COBL: variants seen among roughly 807,000 people sequenced by gnomAD.
COBL encodes the protein protein cordon-bleu.
A neutral mutation model predicts 98.8 loss-of-function variants in COBL; 51 were observed. The observed-to-expected ratio is 0.52, with a 90% CI of 0.41 to 0.65. The LOEUF is 0.65. Ranked by LOEUF, COBL falls within the 30% of genes least tolerant of loss-of-function variation. COBL has a pLI of 0.00. For synonymous variants in COBL, 634 were observed against 651.7 expected (o/e 0.97, Z 0.41); for missense variants, 1,617 against 1,617.5 (o/e 1.00, Z 0.01).
intron 7 of COBL, among the ~76,000 whole-genome samples, chr7:51,052,070 G>T (rs1583618753): frequency 6.6e-6 from 1 of 152,264 alleles, no homozygotes; most frequent in South Asian, 2.1e-4. Context: ...CGGTAATTGG[G>T]TTTTGACATT....
chr7:51,275,233 G>A (rs1799190406), intron 1 of COBL, among the ~76,000 whole-genome samples: 1 of 152,208 alleles, frequency 6.6e-6, no homozygotes, highest in Admixed American at 6.5e-5. Context: ...CAGTTGCACA[G>A]TGTCCAGGCT....
chr7:51,176,680 A>G (rs903009421), intron 5 of COBL, among the ~76,000 whole-genome samples: 2 of 152,258 alleles, frequency 1.3e-5, no homozygotes, highest in Admixed American at 6.5e-5. Flanking sequence ...CATATGAGAC[A>G]GATAAACTTT....
At chr7:51,250,941 G>A (rs1796681603) in intron 1 of COBL, among the ~76,000 whole-genome samples, 1 of 152,080 alleles carries the variant, frequency 6.6e-6, no homozygotes, top group Non-Finnish European at 1.5e-5. Context: ...ATACCTCTAA[G>A]TTTTCATTAA....
intron 5 of COBL, among the ~76,000 whole-genome samples, chr7:51,141,154 T>C (rs2129011799): frequency 6.6e-6 from 1 of 152,312 alleles, no homozygotes. Context: ...AATGGTCATT[T>C]TGTTTCCATT....
chr7:51,291,790 A>T (rs1379092370), intron 1 of COBL, among the ~76,000 whole-genome samples: 1 of 152,058 alleles, frequency 6.6e-6, no homozygotes, highest in African/African-American at 2.4e-5. Context: ...ATCAGTGCAC[A>T]ATCAGCACAG....
chr7:51,251,624 T>C (rs1189397811), intron 1 of COBL, among the ~76,000 whole-genome samples: 1 of 152,212 alleles, frequency 6.6e-6, no homozygotes, highest in African/African-American at 2.4e-5. Context: ...GCATTCTCTA[T>C]CCTTCAGAGA....
chr7:51,205,942 G>A (rs1372592131), intron 2 of COBL, among the ~76,000 whole-genome samples: 1 of 152,116 alleles, frequency 6.6e-6, no homozygotes, highest in Non-Finnish European at 1.5e-5. Context: ...TGGTCAACAG[G>A]TATACTGAAC....
At chr7:51,025,065 A>G in intron 12 of COBL, 44 bp downstream of exon 12, 1 of 1,611,386 alleles carries the variant, frequency 6.2e-7, no homozygotes, top group Non-Finnish European at 8.5e-7. Flanking sequence ...CTGCACCTCC[A>G]ACCCTCTGGC....
chr7:51,142,378 ATTTGAT>A (rs1464209250), intron 5 of COBL, among the ~76,000 whole-genome samples: 1 of 134,016 alleles, frequency 7.5e-6, no homozygotes, highest in African/African-American at 2.8e-5. Context: ...TCCAACTGGT[ATTTGAT>A]TTTTTTTTTT....
chr7:51,135,299 T>G (rs1466851480), intron 6 of COBL, among the ~76,000 whole-genome samples: 2 of 152,180 alleles, frequency 1.3e-5, no homozygotes, highest in Non-Finnish European at 2.9e-5. Flanking sequence ...TAAAAATATT[T>G]TCTTTGAAAA....
rs1175427142 is a variant in COBL, at chr7:51,017,339, T to C, written c.*212A>G. On this transcript the variant is annotated 3_prime_UTR_variant, in exon 13 of 13. Coordinates refer to ENST00000265136, the MANE Select transcript of COBL (RefSeq NM_015198.5). ...TAAGATATTCAGAGGCAAAACACAT[T>C]TCCTTGGCACACGAGCTGCGCAGCG... 4.9e-6 allele frequency: 3 copies of C among 607,590 alleles called. No homozygotes were observed. Among genetic ancestry groups the C allele is most frequent in the Admixed American group, 2.8e-5 (1 of 35,300 alleles). 37.6% of individuals were successfully genotyped at this position (607,590 alleles called of 1,614,324 possible). A position where few individuals can be genotyped will look rare whatever the true frequency, so the allele number is the denominator to read the frequency against.
In COBL at chr7:51,224,980, AGTGTGGGTGGACTGTGT is replaced by A. The variant is rs1009186102; in HGVS notation, c.42-5053_42-5037del. Among the ~76,000 whole-genome samples the A allele has an allele frequency of 2.2e-4, 33 of 151,994 alleles. 1 individual carries two copies. In the South Asian group the frequency reaches 2.9e-3, roughly 13 times the overall value. On this transcript the variant is annotated intron_variant, in intron 1 of 12. Transcript: ENST00000265136. Reference sequence around the variant, plus strand: ...GGCCCGTGCATGTGGGCAGGCTGTGAGTGTGGGTGGACTGTGTGTGTGGGTGGACTGTGTGTGTGGAT... The same window carrying A: ...GGCCCGTGCATGTGGGCAGGCTGTGAGTGTGGGTGGACTGTGTGTGTGGAT...
At chr7:51,149,046 A>G (rs1785310464) in intron 5 of COBL, among the ~76,000 whole-genome samples, 2 of 152,166 alleles carry the variant, frequency 1.3e-5, no homozygotes, top group Non-Finnish European at 1.5e-5. Context: ...GACATCCTCT[A>G]TGTCAAGGTT....
At chr7:51,053,089 T>G (rs1450812461) in intron 7 of COBL, among the ~76,000 whole-genome samples, 1 of 152,222 alleles carries the variant, frequency 6.6e-6, no homozygotes, top group East Asian at 1.9e-4. Context: ...GCTCTCCTAG[T>G]GTTTACTTCT....
Position 51,043,448 on chromosome 7 carries a change from G to C in COBL, c.1341C>G (p.Thr447=), listed in dbSNP as rs753126219. 4 of 1,614,222 alleles carry C rather than the reference G, an allele frequency of 2.5e-6. No homozygotes were observed. The highest frequency in any genetic ancestry group is 3.4e-6 in the Non-Finnish European group (4 of 1,180,040). ...GGCTCTTCTGGGGACCCAGGTCTGG[G>C]GTTCCAGCGAGGTCCTGGTCACTGC... The part of the protein sequence containing the change: ...EDCSDQDLAG[T]PDLGPQKSPL... Residue 447 remains threonine, a synonymous_variant, in exon 8 of 13, where the codon ACC becomes ACG. Coordinates refer to ENST00000265136, the MANE Select transcript of COBL (RefSeq NM_015198.5).
At chr7:51,060,205 T>C (rs1339157261) in intron 7 of COBL, among the ~76,000 whole-genome samples, 1 of 152,234 alleles carries the variant, frequency 6.6e-6, no homozygotes, top group Non-Finnish European at 1.5e-5. Flanking sequence ...TGCATTTTCT[T>C]CACAGTTATC....
intron 2 of COBL, among the ~76,000 whole-genome samples, chr7:51,206,883 A>G (rs1023882262): frequency 2.0e-5 from 3 of 152,228 alleles, no homozygotes; most frequent in Non-Finnish European, 4.4e-5. Flanking sequence ...GGAGGTGGTC[A>G]AAGACACACA....
chr7:51,058,943 T>A (rs927599317), intron 7 of COBL, among the ~76,000 whole-genome samples: 1 of 152,244 alleles, frequency 6.6e-6, no homozygotes. Flanking sequence ...CAGGTCTGCA[T>A]GGGTTTTCTC....
chr7:51,250,748 G>A (rs181414445), intron 1 of COBL, among the ~76,000 whole-genome samples: 3 of 152,172 alleles, frequency 2.0e-5, no homozygotes, highest in Non-Finnish European at 4.4e-5. Context: ...GGAAAAAGGT[G>A]GCAGTCCTTC....
Sources: gnomAD v4.1 joint callset for allele counts (sites outside exome capture counted in the v4.1 genomes callset) on GRCh38, gnomAD v4.1.1 for gene constraint, MANE v1.5 for transcripts, NCBI Gene and HGNC (gene_info 2026-07-23, HGNC 2026-07-21) for gene names.